Variants in PCNX3 observed in about 807,000 individuals in gnomAD.
PCNX3 encodes the protein pecanex 3.
Under a neutral mutation model 207.2 loss-of-function variants are expected in PCNX3, and 58 were observed. The observed-to-expected ratio is 0.28, with a 90% CI of 0.23 to 0.35. PCNX3 has a LOEUF of 0.35. Among genes scored for constraint, PCNX3 ranks in the 10% least tolerant of loss-of-function variants. PCNX3 has a pLI of 1.00. For missense variants in PCNX3, 2,410 were observed against 2,774.4 expected, an observed-to-expected ratio of 0.87 and a Z score of 2.95; for synonymous variants, 1,337 against 1,183.5, an observed-to-expected ratio of 1.13 and a Z score of -2.66.
chr11:65,635,242 T>C lies in PCNX3; in HGVS notation c.4978T>C (p.Tyr1660His), dbSNP rs374515024. 6.9e-6 allele frequency: 11 copies of C among 1,586,436 alleles called. No individual in the cohort carries two copies. Among genetic ancestry groups the C allele is most frequent in the Admixed American group, 1.8e-5 (1 of 54,756 alleles). The change falls in exon 31 of 35, where the codon TAT becomes CAT. Residue 1660 changes from tyrosine to histidine, a missense_variant. Coordinates refer to ENST00000355703, the MANE Select transcript of PCNX3 (RefSeq NM_032223.4). The surrounding 1 kb of genome is among the most constrained non-coding windows in gnomAD (Gnocchi z 9.9). ...GGACCACTTCACGTCCCCAGATGAA[T>C]ATGAGGAGCCAGCAGCCCTATACGA... is the stretch of plus-strand genomic sequence containing the variant. Reference protein sequence around the residue: ...HQDHFTSPDEYEEPAALYDAI... With the variant: ...HQDHFTSPDEHEEPAALYDAI...
intron 8 of PCNX3, 117 bp from the exon 9 acceptor site, chr11:65,620,222 C>G: frequency 8.8e-7 from 1 of 1,132,734 alleles, no homozygotes; most frequent in South Asian, 1.6e-5. Flanking sequence ...CTGGGCTGCC[C>G]TCTCAGAGGA....
chr11:65,625,132 T>TAA lies in PCNX3; in HGVS notation c.2920-38_2920-37insAA, dbSNP rs1855315434. The TAA allele has an allele frequency of 1.3e-6, 2 of 1,566,864 alleles. No individual in the cohort carries two copies. Among genetic ancestry groups the TAA allele is most frequent in the Admixed American group, 3.4e-5 (2 of 58,094 alleles). ...ACGGGGGCAGCCCGGGCCCCATGCTTACCTCACCTCCCCTGACCAGCATGG... is the reference window on the plus strand; with the variant it reads ...ACGGGGGCAGCCCGGGCCCCATGCTTAAACCTCACCTCCCCTGACCAGCATGG... On this transcript the variant is annotated intron_variant, in intron 16 of 34. Transcript: ENST00000355703. The surrounding 1 kb of genome is among the most constrained non-coding windows in gnomAD (Gnocchi z 5.6).
intron 28 of PCNX3, 52 bp downstream of exon 28, chr11:65,634,408 C>T (rs1855741383): frequency 6.6e-7 from 1 of 1,519,176 alleles, no homozygotes; most frequent in African/African-American, 1.4e-5. Context: ...ACCTGGGCTT[C>T]CCTGCTCCCC....
At position 65,636,449 on chromosome 11, in the gene PCNX3, T is replaced by C; in HGVS notation, c.5652T>C (p.Ser1884=). 1 of 1,556,768 alleles carries C rather than the reference T, an allele frequency of 6.4e-7. No homozygotes were observed. Among genetic ancestry groups the C allele is most frequent in the South Asian group, 1.2e-5 (1 of 82,742 alleles). The change falls in exon 34 of 35, where the codon AGT becomes AGC. Residue 1884 remains serine, a synonymous_variant. Coordinates refer to ENST00000355703, the MANE Select transcript of PCNX3 (RefSeq NM_032223.4). The part of the protein sequence containing the change: ...GPGWGPRSSL[S]GSGDGRPPPL... ...GCTGGGGGCCGCGGTCCTCCCTGAG[T>C]GGCTCTGGTGATGGGCGGCCCCCAC... is the stretch of plus-strand genomic sequence containing the variant.
At chr11:65,619,208 A>T (rs1854934208) in intron 6 of PCNX3, 141 bp downstream of exon 6, 2 of 821,738 alleles carry the variant, frequency 2.4e-6, no homozygotes, top group Non-Finnish European at 3.7e-6. Context: ...CCTGGTGGTG[A>T]TTGACATTGT....
chr11:65,616,698 T>A, intron 1 of PCNX3, 126 bp from the exon 2 acceptor site: 1 of 1,115,100 alleles, frequency 9.0e-7, no homozygotes. Flanking sequence ...GTCTGTGTAC[T>A]GGTTGTGTGG....
chr11:65,618,072 T>C lies in PCNX3; in HGVS notation c.710T>C (p.Met237Thr). 6.2e-7 allele frequency: 1 copy of C among 1,607,862 alleles called. No homozygotes were observed. Among genetic ancestry groups the C allele is most frequent in the Non-Finnish European group, 8.5e-7 (1 of 1,177,656 alleles). Residue 237 changes from methionine to threonine, a missense_variant, in exon 6 of 35, where the codon ATG becomes ACG. By Grantham distance (81) the Met-to-Thr change is moderately conservative. Coordinates refer to ENST00000355703, the MANE Select transcript of PCNX3 (RefSeq NM_032223.4). ...WSGSSMADTP[M>T]SPLLKGSLSQ... ...GGGAGCAGCATGGCTGACACTCCCA[T>C]GAGCCCCCTGCTGAAGGGGAGCCTC...
chr11:65,628,537 G>T, intron 22 of PCNX3, 58 bp from the exon 23 acceptor site: 2 of 1,518,796 alleles, frequency 1.3e-6, no homozygotes, highest in African/African-American at 1.4e-5. Context: ...CCTGGCATCC[G>T]GGGGCTTCCA....
rs2135405653 is a variant in PCNX3, at chr11:65,618,655, C to T, written c.1293C>T (p.Ser431=). The change falls in exon 6 of 35, where the codon AGC becomes AGT. Residue 431 remains serine, a synonymous_variant. Coordinates refer to ENST00000355703, the MANE Select transcript of PCNX3 (RefSeq NM_032223.4). ...ACACTAGTGAGGGCAGTGAACTGAG[C>T]CCGGCCTCCAGTCTCCGATCGCAGC... The part of the protein sequence containing the change: ...DEDTSEGSEL[S]PASSLRSQRR... 6.2e-7 allele frequency: 1 copy of T among 1,613,156 alleles called. No homozygotes were observed. The highest frequency in any genetic ancestry group is 8.5e-7 in the Non-Finnish European group (1 of 1,179,836).
At chr11:65,634,418 C>T (rs1459881180) in intron 28 of PCNX3, 62 bp downstream of exon 28, 35 of 1,510,984 alleles carry the variant, frequency 2.3e-5, no homozygotes, top group Middle Eastern at 3.4e-4. Flanking sequence ...CCCTGCTCCC[C>T]TTCTCCCCAT....
Position 65,621,003 on chromosome 11 carries a change from C to T in PCNX3, c.2235+37C>T, listed in dbSNP as rs745601376. ...CCGGGGAAGGGCCGTGCCAGTGGGG[C>T]GTGACGGGGCGGGCAGATCACTGAG... is the stretch of plus-strand genomic sequence containing the variant. On this transcript the variant is annotated intron_variant, in intron 10 of 34. Coordinates refer to ENST00000355703, the MANE Select transcript of PCNX3 (RefSeq NM_032223.4). 1.2e-5 allele frequency: 18 copies of T among 1,495,966 alleles called. 1 individual carries two copies. The highest frequency in any genetic ancestry group is 3.9e-4 in the Middle Eastern group (2 of 5,082). The allele number at this position is 1,495,966 out of a possible 1,614,324, so 92.7% of individuals were successfully genotyped here. A position where few individuals can be genotyped will look rare whatever the true frequency, so the allele number is the denominator to read the frequency against.
Position 65,622,244 on chromosome 11 carries a change from G to A in PCNX3, c.2236-1G>A. The A allele has an allele frequency of 6.2e-7, 1 of 1,603,936 alleles. No individual in the cohort carries two copies. Among genetic ancestry groups the A allele is most frequent in the South Asian group, 1.1e-5 (1 of 89,184 alleles). On this transcript the variant is annotated splice_acceptor_variant, in intron 10 of 34. Coordinates refer to ENST00000355703, the MANE Select transcript of PCNX3 (RefSeq NM_032223.4). LOFTEE classifies it high-confidence loss of function. ...ACCAGGACTCCCTGCACGAATCCCA[G>A]GAGCAGACACTGATGGAAGAAGCGC...
At chr11:65,626,674 G>A in intron 20 of PCNX3, 2 of 592,314 alleles carry the variant, frequency 3.4e-6, no homozygotes, top group South Asian at 4.0e-5. Context: ...TGTTTTAACA[G>A]ACAGCAGAGC....
intron 29 of PCNX3, 27 bp from the exon 30 acceptor site, chr11:65,634,946 C>G: frequency 6.2e-7 from 1 of 1,600,228 alleles, no homozygotes; most frequent in Non-Finnish European, 8.5e-7. Context: ...ACCCCTCTCT[C>G]CCCTCCCTGT....
At chr11:65,626,151 G>A (rs1855376339) in intron 20 of PCNX3, 97 bp downstream of exon 20, 1 of 1,486,486 alleles carries the variant, frequency 6.7e-7, no homozygotes, top group Admixed American at 2.0e-5. Context: ...AGTGCCAGCA[G>A]GGGGCACTCG....
chr11:65,621,460 G>A (rs970774315), intron 10 of PCNX3, among the ~76,000 whole-genome samples: 2 of 152,242 alleles, frequency 1.3e-5, no homozygotes, highest in African/African-American at 4.8e-5. Flanking sequence ...AACACCAGAA[G>A]CGCTAAAAAT....
In PCNX3 at chr11:65,635,542, G is replaced by T; in HGVS notation, c.5198G>T (p.Cys1733Phe). The T allele has an allele frequency of 6.2e-7, 1 of 1,610,930 alleles. No individual in the cohort carries two copies. Among genetic ancestry groups the T allele is most frequent in the Non-Finnish European group, 8.5e-7 (1 of 1,179,512 alleles). The part of the protein sequence containing the change: ...SFRVIKVNRE[C>F]VRGLWAGQQQ... Reference sequence around the variant, plus strand: ...TGTGGCTCTCAGGTGAACCGGGAGTGCGTGCGCGGCCTGTGGGCCGGGCAG... The same window carrying T: ...TGTGGCTCTCAGGTGAACCGGGAGTTCGTGCGCGGCCTGTGGGCCGGGCAG... Residue 1733 changes from cysteine to phenylalanine, a missense_variant, in exon 32 of 35, where the codon TGC becomes TTC. Cys to Phe is a radical substitution (Grantham distance 205). Around this residue, in one of 8 missense-constraint regions of PCNX3, gnomAD observed 420 missense variants for 705.3 expected, o/e 0.60. Transcript: ENST00000355703. The surrounding 1 kb of genome is among the most constrained non-coding windows in gnomAD (Gnocchi z 9.9).
chr11:65,633,620 C>T (rs996133309), intron 27 of PCNX3, among the ~76,000 whole-genome samples: 12 of 152,254 alleles, frequency 7.9e-5, no homozygotes, highest in African/African-American at 2.7e-4. Context: ...CCTGCTGCTA[C>T]CTGGCCCACG....
intron 20 of PCNX3, chr11:65,626,691 C>T (rs571931855): frequency 3.7e-5 from 23 of 622,062 alleles, no homozygotes; most frequent in Admixed American, 6.0e-5. Flanking sequence ...GAGCAGAGCA[C>T]CTGCCATAAA....
Sources: gnomAD v4.1 joint callset for allele counts (sites outside exome capture counted in the v4.1 genomes callset) on GRCh38, gnomAD v4.1.1 for gene constraint, gnomAD v4.1.1 regional missense constraint, Gnocchi (gnomAD v3.1) non-coding constraint, MANE v1.5 for transcripts, NCBI Gene and HGNC (gene_info 2026-07-23, HGNC 2026-07-21) for gene names.